CD34: variants seen among roughly 807,000 people sequenced by gnomAD.
CD34 encodes hematopoietic progenitor cell antigen CD34.
In CD34, 34 loss-of-function variants were observed where a neutral mutation model predicts 40.1. The ratio of observed to expected loss-of-function variants is 0.85; its 90% CI spans 0.65 to 1.13. The LOEUF is 1.13. CD34 is among the 50% of genes most tolerant of loss of function. The pLI is 0.00. For missense variants in CD34, 426 were observed against 466.9 expected (o/e 0.91, Z 0.81); for synonymous variants, 209 against 190.0 (o/e 1.10, Z -0.82).
intron 1 of CD34, among the ~76,000 whole-genome samples, chr1:207,902,268 G>C (rs755467461): frequency 4.6e-5 from 7 of 152,188 alleles, no homozygotes; most frequent in Admixed American, 1.3e-4. Flanking sequence ...AGCAGCAATG[G>C]AACACTGACG....
In CD34 at chr1:207,889,476, G is replaced by C. The variant is rs1661983062; in HGVS notation, c.743C>G (p.Ala248Gly). The change falls in exon 5 of 8, where the codon GCC becomes GGC. Residue 248 changes from alanine to glycine, a missense_variant. Coordinates refer to ENST00000310833, the MANE Select transcript of CD34 (RefSeq NM_001025109.2). ...GAGGTGCACCTTACCTGTTCTGTTG[G>C]CCAAGACCAGCAGTAGACACTGAGG... Reference protein sequence around the residue: ...VRPQCLLLVLANRTEISSKLQ... With the variant: ...VRPQCLLLVLGNRTEISSKLQ... 21 of 1,612,086 alleles carry C rather than the reference G, an allele frequency of 1.3e-5. No individual in the cohort carries two copies. Among genetic ancestry groups the C allele is most frequent in the Non-Finnish European group, 1.8e-5 (21 of 1,178,856 alleles).
chr1:207,900,996 CTTTT>C (rs34109724), intron 1 of CD34, among the ~76,000 whole-genome samples: 1 of 134,744 alleles, frequency 7.4e-6, no homozygotes. Flanking sequence ...GGGATACATA[CTTTT>C]TTTTTTTTTT....
In CD34 at chr1:207,897,382, C is replaced by T. The variant is rs545041715; in HGVS notation, c.597+111G>A. ...AGGCAGGCTGACCAAGCTAAACTCC[C>T]CGGACCCCTACTCAAATCCAGTGCA... On this transcript the variant is annotated intron_variant, in intron 4 of 7. Coordinates refer to ENST00000310833, the MANE Select transcript of CD34 (RefSeq NM_001025109.2). The T allele has an allele frequency of 1.2e-4, 100 of 801,964 alleles. 1 individual carries two copies. In the Middle Eastern group the frequency reaches 1.8e-3, roughly 14 times the overall value. The allele number at this position is 801,964 out of a possible 1,614,324, so 49.7% of individuals were successfully genotyped here. A position where few individuals can be genotyped will look rare whatever the true frequency, so the allele number is the denominator to read the frequency against.
chr1:207,888,298 G>T (rs1661952084), intron 7 of CD34, among the ~76,000 whole-genome samples: 2 of 152,208 alleles, frequency 1.3e-5, no homozygotes, highest in African/African-American at 2.4e-5. Context: ...TGGCAAATGG[G>T]GATTCTCCTT....
In CD34 at chr1:207,889,195, T is replaced by C. The variant is rs774074850; in HGVS notation, c.773A>G (p.Gln258Arg). ...GTCAGATTGGTGCTTTTTCATAAGT[T>C]GGAGTTTGCTGGAAATTTCTAGAAT... ...ANRTEISSKL[Q>R]LMKKHQSDLK... Residue 258 changes from glutamine (Q) to arginine (R), a missense_variant, in exon 6 of 8, where the codon CAA (glutamine) becomes CGA (arginine). Gln to Arg is a conservative substitution (Grantham distance 43). Coordinates refer to ENST00000310833, the MANE Select transcript of CD34 (RefSeq NM_001025109.2). 2 of 1,611,824 alleles carry C rather than the reference T, an allele frequency of 1.2e-6. No individual in the cohort carries two copies. Among genetic ancestry groups the C allele is most frequent in the East Asian group, 4.5e-5 (2 of 44,872 alleles).
chr1:207,895,371 A>G (rs557131881), intron 4 of CD34, among the ~76,000 whole-genome samples: 30 of 152,296 alleles, frequency 2.0e-4, no homozygotes, highest in Admixed American at 5.2e-4. Flanking sequence ...GGGGATCAAC[A>G]CTGGTGGAGA....
rs781043790 is a variant in CD34 at position 207,887,734 on chromosome 1, C to A, written c.*4G>T. ...ACTGCCCAGCCTTGCCCCACCTAGC[C>A]GAGTCACAATTCGGTATCAGCCACC... On this transcript the variant is annotated 3_prime_UTR_variant, in exon 8 of 8. Coordinates refer to ENST00000310833, the MANE Select transcript of CD34 (RefSeq NM_001025109.2). The A allele has an allele frequency of 6.2e-6, 10 of 1,614,066 alleles. No homozygotes were observed. The South Asian group carries it at 7.7e-5, about 12-fold the overall frequency.
chr1:207,894,386 G>C (rs1662107861), intron 4 of CD34, among the ~76,000 whole-genome samples: 1 of 152,208 alleles, frequency 6.6e-6, no homozygotes, highest in Non-Finnish European at 1.5e-5. Context: ...AAAGTTGCCA[G>C]GGTCTGGGGA....
chr1:207,883,252 A>C lies in CD34; in HGVS notation c.*4486T>G, dbSNP rs749243750. On this transcript the variant is annotated 3_prime_UTR_variant, in exon 8 of 8. Transcript: ENST00000310833. ...ACCTTATCTTTCCCCATCACTACAT[A>C]TTGTATGTACTCTTCTATCAGTCTC... 4.3e-4 allele frequency: 66 copies of C among 152,114 alleles called. No individual in the cohort carries two copies. Among genetic ancestry groups the C allele is most frequent in the Non-Finnish European group, 2.9e-5 (2 of 68,034 alleles). 9.4% of individuals were successfully genotyped at this position (152,114 alleles called of 1,614,324 possible).
At chr1:207,895,056 A>C (rs1231195614) in intron 4 of CD34, among the ~76,000 whole-genome samples, 1 of 152,148 alleles carries the variant, frequency 6.6e-6, no homozygotes, top group Non-Finnish European at 1.5e-5. Context: ...CCTGCTCTTC[A>C]CCAGGGTATT....
intron 4 of CD34, among the ~76,000 whole-genome samples, chr1:207,896,001 T>C (rs1012648294): frequency 6.6e-6 from 1 of 152,230 alleles, no homozygotes; most frequent in Non-Finnish European, 1.5e-5. Context: ...ATTTCTGTTG[T>C]TTTTAGATGT....
intron 1 of CD34, among the ~76,000 whole-genome samples, chr1:207,902,750 CTTTTGAACTTT>C (rs1468831305): frequency 1.3e-5 from 2 of 152,186 alleles, no homozygotes; most frequent in African/African-American, 4.8e-5. Flanking sequence ...TAGACAAACA[CTTTTGAACTTT>C]TCCAGATGTG....
chr1:207,898,993 GAGA>G lies in CD34; in HGVS notation c.493_495del (p.Ser165del), dbSNP rs747179677. On this transcript the variant is annotated inframe_deletion, in exon 3 of 8. Coordinates refer to ENST00000310833, the MANE Select transcript of CD34 (RefSeq NM_001025109.2). The stretch of plus-strand genomic sequence containing the variant: ...CCCACCTTGATGTCACTTAGGATAG[GAGA>G]AGATGATGTATAGGGTTTAGTGGGA... 1 of 1,614,218 alleles carries G rather than the reference GAGA, an allele frequency of 6.2e-7. No individual in the cohort carries two copies. The highest frequency in any genetic ancestry group is 8.5e-7 in the Non-Finnish European group (1 of 1,180,034).
chr1:207,903,103 C>CAGG (rs1662309482), intron 1 of CD34, among the ~76,000 whole-genome samples: 1 of 152,126 alleles, frequency 6.6e-6, no homozygotes, highest in African/African-American at 2.4e-5. Context: ...ACACCTTAGC[C>CAGG]AGGGGCCTGG....
intron 1 of CD34, among the ~76,000 whole-genome samples, chr1:207,904,389 C>A (rs1367128842): frequency 6.6e-6 from 1 of 152,164 alleles, no homozygotes; most frequent in African/African-American, 2.4e-5. Context: ...CCGTTGGGAG[C>A]CACAGACTGT....
In CD34 at chr1:207,907,041, C is replaced by A. The variant is rs532024733; in HGVS notation, c.79+3961G>T. Among the ~76,000 whole-genome samples, 3 of 152,076 alleles carry A rather than the reference C, an allele frequency of 2.0e-5. No homozygotes were observed. The South Asian group carries it at 6.3e-4, about 32-fold the overall frequency. ...ATGGCTCCCTGTCCGCACTAGTATA[C>A]CACTTCACCGTAAGTTAGCCAAGGT... On this transcript the variant is annotated intron_variant, in intron 1 of 7. Transcript: ENST00000310833.
At chr1:207,905,957 A>C (rs1264484898) in intron 1 of CD34, among the ~76,000 whole-genome samples, 2 of 152,224 alleles carry the variant, frequency 1.3e-5, no homozygotes, top group African/African-American at 4.8e-5. Flanking sequence ...TCTGGTCCTA[A>C]GCATTTTGGA....
chr1:207,907,924 T>G (rs1316617836), intron 1 of CD34, among the ~76,000 whole-genome samples: 1 of 152,168 alleles, frequency 6.6e-6, no homozygotes, highest in Non-Finnish European at 1.5e-5. Flanking sequence ...TTCTTATTTT[T>G]AATTCTCCAC....
chr1:207,895,113 C>T (rs963724584), intron 4 of CD34, among the ~76,000 whole-genome samples: 3 of 152,166 alleles, frequency 2.0e-5, no homozygotes, highest in African/African-American at 7.2e-5. Context: ...CCTTAAGGCC[C>T]TCTGACACCG....
Sources: gnomAD v4.1 joint callset for allele counts (sites outside exome capture counted in the v4.1 genomes callset) on GRCh38, gnomAD v4.1.1 for gene constraint, MANE v1.5 for transcripts, NCBI Gene and HGNC (gene_info 2026-07-23, HGNC 2026-07-21) for gene names.